MED26: variants seen among roughly 807,000 people sequenced by gnomAD.
The protein encoded by MED26 is mediator complex subunit 26, also known as mediator of RNA polymerase II transcription subunit 26.
A neutral mutation model predicts 43.7 loss-of-function variants in MED26; 7 were observed. That is an observed-to-expected ratio of 0.16 (90% CI 0.09 to 0.30). The LOEUF is 0.30. MED26 is among the 10% of genes least tolerant of loss of function. The probability of loss-of-function intolerance (pLI) is 1.00; values close to 1 mark genes in which losing one functional copy is unlikely to be tolerated. For missense variants in MED26, 784 were observed against 840.6 expected (o/e 0.93, Z 0.83); for synonymous variants, 375 against 371.1 (o/e 1.01, Z -0.12).
rs766099728 is a variant in MED26 at position 16,576,622 on chromosome 19, G to A, written c.1208C>T (p.Thr403Met). The change falls in exon 3 of 3, where the codon ACG becomes ATG. Residue 403 changes from threonine (T) to methionine (M), a missense_variant. Thr to Met is a moderately conservative substitution (Grantham distance 81). Transcript: ENST00000263390. The surrounding 1 kb of genome is among the most constrained non-coding windows in gnomAD (Gnocchi z 6.8). ...AGCCACCTGCCCGTCCAAGTTAACCGTATAGTCTCGAGGTCGGTACCTCTT... is the reference window on the plus strand; with the variant it reads ...AGCCACCTGCCCGTCCAAGTTAACCATATAGTCTCGAGGTCGGTACCTCTT... ...KKKRYRPRDY[T>M]VNLDGQVAEA... 1.4e-5 allele frequency: 22 copies of A among 1,614,080 alleles called. No individual in the cohort carries two copies. Among genetic ancestry groups the A allele is most frequent in the Middle Eastern group, 1.6e-4 (1 of 6,084 alleles).
chr19:16,590,193 C>T (rs1183915816), intron 1 of MED26, among the ~76,000 whole-genome samples: 1 of 152,256 alleles, frequency 6.6e-6, no homozygotes, highest in African/African-American at 2.4e-5. Context: ...GGTGCCAGCA[C>T]CCTGCAGGGC....
At chr19:16,584,957 G>C (rs911864633) in intron 1 of MED26, among the ~76,000 whole-genome samples, 1 of 152,200 alleles carries the variant, frequency 6.6e-6, no homozygotes, top group Non-Finnish European at 1.5e-5. Flanking sequence ...CCTCATAGTG[G>C]CTTCACTGTC....
At chr19:16,617,343 T>C (rs187883204) in intron 1 of MED26, among the ~76,000 whole-genome samples, 1 of 152,066 alleles carries the variant, frequency 6.6e-6, no homozygotes, top group African/African-American at 2.4e-5. Flanking sequence ...GCACAAAAGG[T>C]CCTGCTCCTT....
chr19:16,621,551 T>C (rs144080908), intron 1 of MED26, among the ~76,000 whole-genome samples: 176 of 152,092 alleles, frequency 1.2e-3, no homozygotes, highest in African/African-American at 4.1e-3. Flanking sequence ...TTAACCCCAA[T>C]TGCCTGGCAA....
chr19:16,576,463 C>A lies in MED26; in HGVS notation c.1367G>T (p.Arg456Met), dbSNP rs2086000913. The A allele has an allele frequency of 2.5e-6, 4 of 1,614,174 alleles. No homozygotes were observed. Among genetic ancestry groups the A allele is most frequent in the Admixed American group, 1.7e-5 (1 of 60,024 alleles). Residue 456 changes from arginine (R) to methionine (M), a missense_variant, in exon 3 of 3, where the codon AGG becomes ATG. Arg to Met is a moderately conservative substitution (Grantham distance 91). Around this residue, in one of 3 missense-constraint regions of MED26, gnomAD observed 719 missense variants for 730.9 expected, o/e 0.98. Transcript: ENST00000263390. This position sits in a 1 kb window ranked among gnomAD's most constrained non-coding sequence, Gnocchi z 6.8. ...GGCCTCCTGCTTGTCCAGCTCTGTC[C>A]TGGACTGCTGCTCCATGTGCACAGG... is the stretch of plus-strand genomic sequence containing the variant. ...DSPVHMEQQS[R>M]TELDKQEAKA...
intron 1 of MED26, among the ~76,000 whole-genome samples, chr19:16,601,788 G>A (rs558520742): frequency 2.6e-5 from 4 of 152,372 alleles, no homozygotes; most frequent in Non-Finnish European, 4.4e-5. Context: ...GACACCTCCC[G>A]GCAGGCCACC....
At chr19:16,615,222 GGA>G (rs2086218688) in intron 1 of MED26, among the ~76,000 whole-genome samples, 1 of 152,128 alleles carries the variant, frequency 6.6e-6, no homozygotes, top group African/African-American at 2.4e-5. Flanking sequence ...AGGCAAGGAG[GGA>G]GAGAGGGCAG....
intron 1 of MED26, among the ~76,000 whole-genome samples, chr19:16,609,611 CACT>C (rs1409529681): frequency 6.6e-6 from 1 of 151,650 alleles, no homozygotes; most frequent in Non-Finnish European, 1.5e-5. Flanking sequence ...ACCAGCACAC[CACT>C]GTCTATACCT....
chr19:16,606,883 G>A (rs1001161842), intron 1 of MED26, among the ~76,000 whole-genome samples: 3 of 152,208 alleles, frequency 2.0e-5, no homozygotes, highest in Non-Finnish European at 2.9e-5. Flanking sequence ...CTGCAGACAC[G>A]AGAATTCATT....
chr19:16,628,066 G>C lies in MED26; in HGVS notation c.-123C>G, dbSNP rs1157896849. The C allele has an allele frequency of 4.1e-6, 2 of 485,562 alleles. No individual in the cohort carries two copies. Among genetic ancestry groups the C allele is most frequent in the Non-Finnish European group, 6.6e-6 (2 of 304,212 alleles). 30.1% of individuals were successfully genotyped at this position (485,562 alleles called of 1,614,324 possible). A position where few individuals can be genotyped will look rare whatever the true frequency, so the allele number is the denominator to read the frequency against. Reference sequence around the variant, plus strand: ...CCGCATGTTCCCCGCGGCGCCGGGGGGTTGGGGGCGCGCGGGGTGGCGGAG... The same window carrying C: ...CCGCATGTTCCCCGCGGCGCCGGGGCGTTGGGGGCGCGCGGGGTGGCGGAG... On this transcript the variant is annotated 5_prime_UTR_variant, in exon 1 of 3. Transcript: ENST00000263390.
intron 1 of MED26, among the ~76,000 whole-genome samples, chr19:16,599,561 G>A (rs2086138777): frequency 6.6e-6 from 1 of 152,156 alleles, no homozygotes; most frequent in Admixed American, 6.5e-5. Context: ...ATATTAAAAG[G>A]GGGTGATATT....
Position 16,576,115 on chromosome 19 carries a change from T to C in MED26, c.1715A>G (p.Asn572Ser). The change falls in exon 3 of 3, where the codon AAC (asparagine) becomes AGC (serine). Residue 572 changes from asparagine to serine, a missense_variant. By Grantham distance (46) the Asn-to-Ser change is conservative. Transcript: ENST00000263390. The surrounding 1 kb of genome is among the most constrained non-coding windows in gnomAD (Gnocchi z 6.8). ...TATGCACTGCGTCCAGTCATACCAGTTACCCTGTGTGTCCTGACACCCGTT... is the reference window on the plus strand; with the variant it reads ...TATGCACTGCGTCCAGTCATACCAGCTACCCTGTGTGTCCTGACACCCGTT... Reference protein sequence around the residue: ...GVNGCQDTQGNWYDWTQCISL... With the variant: ...GVNGCQDTQGSWYDWTQCISL... The C allele has an allele frequency of 1.2e-6, 2 of 1,613,982 alleles. No homozygotes were observed. The highest frequency in any genetic ancestry group is 1.7e-6 in the Non-Finnish European group (2 of 1,180,016).
chr19:16,580,948 G>A (rs892268754), intron 1 of MED26, among the ~76,000 whole-genome samples: 1 of 152,130 alleles, frequency 6.6e-6, no homozygotes. Context: ...TGTCATGTAC[G>A]GTACCATGTG....
At chr19:16,625,731 C>G (rs377179187) in intron 1 of MED26, among the ~76,000 whole-genome samples, 2 of 152,176 alleles carry the variant, frequency 1.3e-5, no homozygotes, top group African/African-American at 4.8e-5. Context: ...CGGCTCTCAC[C>G]ATCACCTCCG....
chr19:16,594,120 T>C (rs1036875343), intron 1 of MED26, among the ~76,000 whole-genome samples: 6 of 152,168 alleles, frequency 3.9e-5, no homozygotes, highest in African/African-American at 7.2e-5. Flanking sequence ...GTTAACTCAG[T>C]GACAGGATTA....
In MED26 at chr19:16,576,665, A is replaced by G. The variant is rs374412166; in HGVS notation, c.1165T>C (p.Ser389Pro). Reference protein sequence around the residue: ...ADSDAASSGGSDSKKKKRYRP... With the variant: ...ADSDAASSGGPDSKKKKRYRP... ...TACCTCTTCTTCTTTTTACTGTCCG[A>G]GCCCCCTGAGGAGGCAGCATCACTG... Residue 389 changes from serine (S) to proline (P), a missense_variant, in exon 3 of 3, where the codon TCG (serine) becomes CCG (proline). By Grantham distance (74) the Ser-to-Pro change is moderately conservative. Coordinates refer to ENST00000263390, the MANE Select transcript of MED26 (RefSeq NM_004831.5). The surrounding 1 kb of genome is among the most constrained non-coding windows in gnomAD (Gnocchi z 6.8). The G allele has an allele frequency of 1.9e-6, 3 of 1,613,908 alleles. No homozygotes were observed. Among genetic ancestry groups the G allele is most frequent in the Non-Finnish European group, 2.5e-6 (3 of 1,180,024 alleles).
chr19:16,621,006 G>A (rs1399912434), intron 1 of MED26, among the ~76,000 whole-genome samples: 1 of 152,172 alleles, frequency 6.6e-6, no homozygotes, highest in African/African-American at 2.4e-5. Flanking sequence ...GAATTTAAAG[G>A]GGGAAAAGTT....
At chr19:16,622,268 G>A (rs2086255274) in intron 1 of MED26, among the ~76,000 whole-genome samples, 1 of 152,104 alleles carries the variant, frequency 6.6e-6, no homozygotes, top group South Asian at 2.1e-4. Context: ...ACATGCCACG[G>A]CACCCCACCC....
Position 16,577,294 on chromosome 19 carries a change from G to A in MED26, c.536C>T (p.Pro179Leu). The change falls in exon 3 of 3, where the codon CCC (proline) becomes CTC (leucine). Residue 179 changes from proline to leucine, a missense_variant. Pro to Leu is a moderately conservative substitution (Grantham distance 98, BLOSUM62 -3). This residue lies in a region of MED26 where 719 missense variants were observed against 730.9 expected (regional missense o/e 0.98). Coordinates refer to ENST00000263390, the MANE Select transcript of MED26 (RefSeq NM_004831.5). The surrounding 1 kb of genome is among the most constrained non-coding windows in gnomAD (Gnocchi z 8.1). ...CCCACTGATCCCGTTGGTGGGGAGG[G>A]GGGATGAGTTGGGGACCAGGGGGTC... The part of the protein sequence containing the change: ...SHDPLVPNSS[P>L]LPTNGISGSP... The A allele has an allele frequency of 6.2e-7, 1 of 1,611,862 alleles. No homozygotes were observed. The highest frequency in any genetic ancestry group is 2.2e-5 in the East Asian group (1 of 44,822).
Sources: allele counts gnomAD v4.1 joint callset (sites outside exome capture counted in the v4.1 genomes callset), GRCh38; gene constraint gnomAD v4.1.1; regional missense constraint gnomAD v4.1.1; non-coding constraint Gnocchi (gnomAD v3.1); transcripts MANE v1.5; gene names NCBI Gene and HGNC (gene_info 2026-07-23, HGNC 2026-07-21).